BANF2: variants seen among roughly 807,000 people sequenced by gnomAD.
BANF2 encodes the protein BANF family member 2.
BANF2 carries 4 observed loss-of-function variants against 8.0 expected under a neutral mutation model. That is an observed-to-expected ratio of 0.50 (90% CI 0.25 to 1.14). BANF2 has a LOEUF of 1.14. BANF2 is among the 50% of genes most tolerant of loss of function. The probability of loss-of-function intolerance (pLI) is 0.16; values close to 1 mark genes in which losing one functional copy is unlikely to be tolerated. For synonymous variants in BANF2, 50 were observed against 40.6 expected, an observed-to-expected ratio of 1.23 and a Z score of -0.88; for missense variants, 96 against 107.5, an observed-to-expected ratio of 0.89 and a Z score of 0.47.
upstream of BANF2, among the ~76,000 whole-genome samples, chr20:17,695,445 C>CAAAAAAA (rs71192401): frequency 1.6e-4 from 8 of 51,364 alleles, no homozygotes; most frequent in South Asian, 9.8e-4. Context: ...GACCTTGTCT[C>CAAAAAAA]AAAAAAAAAA....
At chr20:17,709,662 C>T (rs1370067790) in intron 1 of BANF2, among the ~76,000 whole-genome samples, 1 of 152,176 alleles carries the variant, frequency 6.6e-6, no homozygotes, top group East Asian at 1.9e-4. Context: ...CAATGGAAGC[C>T]TTGCTTAATA....
intron 1 of BANF2, among the ~76,000 whole-genome samples, chr20:17,709,607 A>C (rs2122587887): frequency 6.6e-6 from 1 of 152,218 alleles, no homozygotes; most frequent in African/African-American, 2.4e-5. Flanking sequence ...AAGCAGAGGA[A>C]GTCAGTCCAA....
At chr20:17,732,479 C>T (rs550235077) in intron 3 of BANF2, among the ~76,000 whole-genome samples, 1 of 152,350 alleles carries the variant, frequency 6.6e-6, no homozygotes, top group African/African-American at 2.4e-5. Context: ...GCCTCAGCCT[C>T]CCAAGTAGCT....
chr20:17,712,753 G>T (rs1435907522), intron 1 of BANF2, among the ~76,000 whole-genome samples: 1 of 152,094 alleles, frequency 6.6e-6, no homozygotes, highest in Non-Finnish European at 1.5e-5. Flanking sequence ...GGGTAATAAT[G>T]GCAGAGAGAG....
intron 1 of BANF2, among the ~76,000 whole-genome samples, chr20:17,702,860 AG>A (rs2037429480): frequency 6.6e-6 from 1 of 152,240 alleles, no homozygotes; most frequent in African/African-American, 2.4e-5. Context: ...CTAGGCACAC[AG>A]GGCCACTGGG....
chr20:17,701,581 G>A (rs2037409862), intron 1 of BANF2, among the ~76,000 whole-genome samples: 1 of 152,192 alleles, frequency 6.6e-6, no homozygotes, highest in Non-Finnish European at 1.5e-5. Context: ...GTGATCAGCT[G>A]GGAGCTGGAC....
At chr20:17,733,838 A>G (rs2037937485) in intron 3 of BANF2, among the ~76,000 whole-genome samples, 1 of 152,214 alleles carries the variant, frequency 6.6e-6, no homozygotes, top group South Asian at 2.1e-4. Flanking sequence ...ATATTTTATG[A>G]CTGGGATTCA....
In BANF2 at chr20:17,725,045, G is replaced by A. The variant is rs753052866; in HGVS notation, c.20G>A (p.Arg7Lys). 1.9e-5 allele frequency: 30 copies of A among 1,607,670 alleles called. No individual in the cohort carries two copies. In the South Asian group the frequency reaches 2.9e-4, roughly 15 times the overall value. ...CAGGAGATGGACAACATGTCTCCCAGGCTGAGAGCCTTCCTCTCCGAACCC... is the reference window on the plus strand; with the variant it reads ...CAGGAGATGGACAACATGTCTCCCAAGCTGAGAGCCTTCCTCTCCGAACCC... The part of the protein sequence containing the change: MDNMSP[R>K]LRAFLSEPIG... The change falls in exon 3 of 4, where the codon AGG becomes AAG. Residue 7 changes from arginine to lysine, a missense_variant. By Grantham distance (26) the Arg-to-Lys change is conservative. Transcript: ENST00000246090.
In BANF2 at chr20:17,725,096, T is replaced by C. The variant is rs777902331; in HGVS notation, c.71T>C (p.Val24Ala). ...EPIGEKDVCW[V>A]DGISHELAIN... is the part of the protein sequence containing the mutation. ...ATTGGAGAAAAGGATGTCTGCTGGG[T>C]GGATGGCATCAGCCATGAGCTCGCG... The change falls in exon 3 of 4, where the codon GTG becomes GCG. Residue 24 changes from valine (V) to alanine (A), a missense_variant. Coordinates refer to ENST00000246090, the MANE Select transcript of BANF2 (RefSeq NM_178477.5). The C allele has an allele frequency of 7.4e-6, 12 of 1,611,986 alleles. No homozygotes were observed. The highest frequency in any genetic ancestry group is 9.3e-6 in the Non-Finnish European group (11 of 1,177,990).
intron 1 of BANF2, among the ~76,000 whole-genome samples, chr20:17,705,393 C>T (rs1323892424): frequency 6.6e-6 from 1 of 152,214 alleles, no homozygotes; most frequent in Non-Finnish European, 1.5e-5. Flanking sequence ...GCTAACCAGG[C>T]CTCCCAATCC....
chr20:17,721,337 A>G (rs1310388669), intron 1 of BANF2, among the ~76,000 whole-genome samples: 1 of 151,900 alleles, frequency 6.6e-6, no homozygotes, highest in Non-Finnish European at 1.5e-5. Context: ...AAGGACACCC[A>G]AGAAGAAAAG....
intron 1 of BANF2, among the ~76,000 whole-genome samples, chr20:17,712,727 T>G (rs2037593066): frequency 6.6e-6 from 1 of 152,124 alleles, no homozygotes; most frequent in African/African-American, 2.4e-5. Flanking sequence ...ACAACATTGC[T>G]TTCCCCTTCT....
At chr20:17,720,617 A>G (rs553346140) in intron 1 of BANF2, among the ~76,000 whole-genome samples, 1 of 152,348 alleles carries the variant, frequency 6.6e-6, no homozygotes, top group Admixed American at 6.5e-5. Context: ...TTTAATAGAA[A>G]CGGAAAATAG....
chr20:17,730,785 G>A (rs7271566), intron 3 of BANF2, among the ~76,000 whole-genome samples: 26,700 of 152,238 alleles, frequency 0.18, 2,855 homozygotes, highest in East Asian at 0.44. Flanking sequence ...CTGGGTGGGC[G>A]GTGAGACGCT....
chr20:17,701,439 G>C (rs142858573), intron 1 of BANF2, among the ~76,000 whole-genome samples: 259 of 152,274 alleles, frequency 1.7e-3, no homozygotes, highest in Non-Finnish European at 3.1e-3. Context: ...CATTAACCTG[G>C]AGCATGCCTT....
At chr20:17,706,108 T>C (rs2037478224) in intron 1 of BANF2, among the ~76,000 whole-genome samples, 1 of 152,058 alleles carries the variant, frequency 6.6e-6, no homozygotes, top group Non-Finnish European at 1.5e-5. Flanking sequence ...ATAGATGAGG[T>C]TGAAGGGGCT....
In BANF2 at chr20:17,732,351, C is replaced by T. The variant is rs1035197075; in HGVS notation, c.127-3314C>T. ...GCACTTGGAGTTTAGGGGCATTCTG[C>T]CCTTGAGCCCCCATCCTTTTGTTTG... On this transcript the variant is annotated intron_variant, in intron 3 of 3. Coordinates refer to ENST00000246090, the MANE Select transcript of BANF2 (RefSeq NM_178477.5). 5.3e-5 allele frequency among the ~76,000 whole-genome samples: 8 copies of T among 152,180 alleles called. 1 individual carries two copies. In the South Asian group the frequency reaches 6.2e-4, roughly 12 times the overall value.
At chr20:17,731,293 A>T (rs895522695) in intron 3 of BANF2, 5 of 152,126 alleles carry the variant, frequency 3.3e-5, no homozygotes, top group African/African-American at 1.2e-4. Context: ...AAAAACACAC[A>T]AGAGTTTAAA....
At chr20:17,698,024 G>A (rs1477981414), upstream of BANF2, among the ~76,000 whole-genome samples, 1 of 152,048 alleles carries the variant, frequency 6.6e-6, no homozygotes, top group Admixed American at 6.6e-5. Flanking sequence ...GGCCAAAAAA[G>A]TGAAACCCCA....
Sources: gnomAD v4.1 joint callset for allele counts (sites outside exome capture counted in the v4.1 genomes callset) on GRCh38, gnomAD v4.1.1 for gene constraint, MANE v1.5 for transcripts, NCBI Gene and HGNC (gene_info 2026-07-23, HGNC 2026-07-21) for gene names.